The following SLC6A13 variants were observed in gnomAD, a reference collection of about 807,000 sequenced individuals.
SLC6A13 encodes the protein sodium- and chloride-dependent GABA transporter 2.
Under a neutral mutation model 72.9 loss-of-function variants are expected in SLC6A13, and 69 were observed. That is an observed-to-expected ratio of 0.95 (90% CI 0.78 to 1.16). SLC6A13 has a LOEUF of 1.16. Ranked by LOEUF, SLC6A13 falls within the 50% of genes most tolerant of loss-of-function variation. SLC6A13 has a pLI of 0.00. For missense variants in SLC6A13, 735 were observed against 760.5 expected (o/e 0.97, Z 0.39); for synonymous variants, 303 against 303.0 (o/e 1.00, Z 0.00).
intron 4 of SLC6A13, among the ~76,000 whole-genome samples, chr12:238,968 G>A (rs1313164361): frequency 2.7e-5 from 4 of 150,642 alleles, no homozygotes; most frequent in African/African-American, 2.4e-5. Flanking sequence ...AAGGCCTCCC[G>A]TGGGTTTCCC....
chr12:231,447 A>C (rs1941705002), intron 7 of SLC6A13, among the ~76,000 whole-genome samples: 1 of 152,122 alleles, frequency 6.6e-6, no homozygotes, highest in South Asian at 2.1e-4. Flanking sequence ...GGGGAGTGCC[A>C]ACTAGATTCA....
At chr12:238,557 G>A (rs1411090199) in intron 4 of SLC6A13, among the ~76,000 whole-genome samples, 1 of 152,242 alleles carries the variant, frequency 6.6e-6, no homozygotes, top group Non-Finnish European at 1.5e-5. Context: ...AAACGTGGAT[G>A]TAGAGTGCTC....
At chr12:262,725 G>C (rs1942968145) in intron 1 of SLC6A13, 64 bp downstream of exon 1, 1 of 984,234 alleles carries the variant, frequency 1.0e-6, no homozygotes. Flanking sequence ...AAGTCCCATG[G>C]ATCCCACCAA....
At chr12:250,088 C>T (rs1942484723) in intron 2 of SLC6A13, among the ~76,000 whole-genome samples, 1 of 151,864 alleles carries the variant, frequency 6.6e-6, no homozygotes, top group Non-Finnish European at 1.5e-5. Context: ...TGACTGAATC[C>T]AACAGTCATT....
At chr12:225,655 G>T (rs1159083028) in intron 9 of SLC6A13, among the ~76,000 whole-genome samples, 6 of 104,546 alleles carry the variant, frequency 5.7e-5, no homozygotes, top group Admixed American at 5.3e-4. Context: ...ATCTCAAACA[G>T]TTTAAAAAAA....
chr12:235,286 C>G (rs1489540004), intron 6 of SLC6A13, 62 bp from the exon 7 acceptor site: 2 of 1,585,544 alleles, frequency 1.3e-6, no homozygotes, highest in Non-Finnish European at 1.7e-6. Flanking sequence ...GGGCAGGAGG[C>G]AGGGGCAGGA....
chr12:240,382 T>G (rs1427315811), intron 4 of SLC6A13, among the ~76,000 whole-genome samples: 1 of 152,118 alleles, frequency 6.6e-6, no homozygotes, highest in Non-Finnish European at 1.5e-5. Context: ...TTTTTGTATT[T>G]TCAGTAGAGA....
At position 221,537 on chromosome 12, in the gene SLC6A13, G is replaced by A; in HGVS notation, c.1525C>T (p.Leu509Phe). The part of the protein sequence containing the change: ...LTPAVCTATF[L>F]FSLIKYTPLT... ...GGAGTGTACTTTATCAGGGAGAAGAGAAAGGTGGCCTGAGGGGGAGAGCAG... is the reference window on the plus strand; with the variant it reads ...GGAGTGTACTTTATCAGGGAGAAGAAAAAGGTGGCCTGAGGGGGAGAGCAG... Residue 509 changes from leucine to phenylalanine, a missense_variant, in exon 14 of 15, where the codon CTC (leucine) becomes TTC (phenylalanine). Transcript: ENST00000343164. The A allele has an allele frequency of 6.3e-7, 1 of 1,587,808 alleles. No homozygotes were observed. Among genetic ancestry groups the A allele is most frequent in the Non-Finnish European group, 8.6e-7 (1 of 1,164,300 alleles).
At chr12:246,132 A>AAAATAAATAAATAAATAAATAAAT (rs71045049) in intron 2 of SLC6A13, among the ~76,000 whole-genome samples, 86 of 147,000 alleles carry the variant, frequency 5.9e-4, no homozygotes, top group African/African-American at 1.8e-3. Flanking sequence ...AATAAAAGTA[A>AAAATAAATAAATAAATAAATAAAT]AAATAAATAA....
intron 2 of SLC6A13, among the ~76,000 whole-genome samples, chr12:250,833 C>CAAAAAAAAAAAAAAAAAAAA (rs71045051): frequency 1.2e-5 from 1 of 82,600 alleles, no homozygotes; most frequent in Non-Finnish European, 2.3e-5. Flanking sequence ...AATAGCCCCC[C>CAAAAAAAAAAAAAAAAAAAA]AAAAAAAAAA....
Position 224,651 on chromosome 12 carries a change from C to T in SLC6A13, c.1061-138G>A, listed in dbSNP as rs897241129. ...CACCCCAAAGTTGCTGTCACCACCA[C>T]GTCCTCACCTAGGAGAAGCCACCCC... On this transcript the variant is annotated intron_variant, in intron 9 of 14. Coordinates refer to ENST00000343164, the MANE Select transcript of SLC6A13 (RefSeq NM_016615.5). The T allele has an allele frequency of 8.3e-5, 54 of 653,484 alleles. 1 individual carries two copies. In the East Asian group the frequency reaches 1.2e-3, roughly 15 times the overall value. The allele number at this position is 653,484 out of a possible 1,614,324, so 40.5% of individuals were successfully genotyped here.
intron 2 of SLC6A13, among the ~76,000 whole-genome samples, chr12:250,960 T>C (rs972377233): frequency 3.3e-5 from 5 of 150,232 alleles, no homozygotes; most frequent in Non-Finnish European, 5.9e-5. Context: ...ATCGAGACCA[T>C]CCTGGCCAAC....
At position 223,226 on chromosome 12, in the gene SLC6A13, C is replaced by T; in HGVS notation, c.1320G>A (p.Met440Ile). Residue 440 changes from methionine (M) to isoleucine (I), a missense_variant, in exon 12 of 15, where the codon ATG (methionine) becomes ATA (isoleucine). Met to Ile is a conservative substitution (Grantham distance 10, BLOSUM62 1). Coordinates refer to ENST00000343164, the MANE Select transcript of SLC6A13 (RefSeq NM_016615.5). ...AGTAGTCAAAGAGCTGGAACACGTA[C>T]ATTCCGCCCTGCATGGGAGGAGATT... is the stretch of plus-strand genomic sequence containing the variant. ...VGLIMLTEGG[M>I]YVFQLFDYYA... 2 of 1,608,548 alleles carry T rather than the reference C, an allele frequency of 1.2e-6. No individual in the cohort carries two copies. Among genetic ancestry groups the T allele is most frequent in the Non-Finnish European group, 1.7e-6 (2 of 1,175,760 alleles).
chr12:238,422 AC>A, intron 4 of SLC6A13: 1 of 968,422 alleles, frequency 1.0e-6, no homozygotes, highest in Non-Finnish European at 1.4e-6. Context: ...TTGAATGCTG[AC>A]CCCACGGGTA....
At chr12:229,616 G>A (rs1384177620) in intron 7 of SLC6A13, among the ~76,000 whole-genome samples, 2 of 152,226 alleles carry the variant, frequency 1.3e-5, no homozygotes, top group South Asian at 2.1e-4. Context: ...TGGGACCCAC[G>A]GGTACTGCCC....
intron 2 of SLC6A13, among the ~76,000 whole-genome samples, chr12:246,132 A>AAAATAAATGAATAAATAAATAAATAAAT (rs374765064): frequency 0.025 from 3,742 of 146,974 alleles, 79 homozygotes; most frequent in Non-Finnish European, 0.034. Flanking sequence ...AATAAAAGTA[A>AAAATAAATGAATAAATAAATAAATAAAT]AAATAAATAA....
At chr12:227,774 C>T (rs1424504084) in intron 7 of SLC6A13, 106 bp from the exon 8 acceptor site, 29 of 938,314 alleles carry the variant, frequency 3.1e-5, no homozygotes, top group South Asian at 1.5e-4. Context: ...CTAGGGATGG[C>T]GAGAAACCTG....
At chr12:231,445 C>A (rs1168122760) in intron 7 of SLC6A13, among the ~76,000 whole-genome samples, 1 of 152,174 alleles carries the variant, frequency 6.6e-6, no homozygotes, top group East Asian at 1.9e-4. Flanking sequence ...CTGGGGAGTG[C>A]CAACTAGATT....
At chr12:261,040 T>C (rs1290054314) in intron 1 of SLC6A13, among the ~76,000 whole-genome samples, 1 of 152,190 alleles carries the variant, frequency 6.6e-6, no homozygotes, top group Non-Finnish European at 1.5e-5. Context: ...AGGCAGAGAT[T>C]TACTATGCGC....
Sources: allele counts gnomAD v4.1 joint callset (sites outside exome capture counted in the v4.1 genomes callset), GRCh38; gene constraint gnomAD v4.1.1; transcripts MANE v1.5; gene names NCBI Gene and HGNC (gene_info 2026-07-23, HGNC 2026-07-21).